Variants in CSMD3 observed in about 807,000 individuals in gnomAD.
CSMD3 encodes CUB and sushi domain-containing protein 3.
A neutral mutation model predicts 435.2 loss-of-function variants in CSMD3; 177 were observed. The ratio of observed to expected loss-of-function variants is 0.41; its 90% CI spans 0.36 to 0.46. CSMD3 has a LOEUF of 0.46. Ranked by LOEUF, CSMD3 falls within the 20% of genes least tolerant of loss-of-function variation. The pLI is 0.34. For missense variants in CSMD3, 4,265 were observed against 4,504.6 expected (o/e 0.95, Z 1.52); for synonymous variants, 1,656 against 1,520.5 (o/e 1.09, Z -2.07).
intron 13 of CSMD3, among the ~76,000 whole-genome samples, chr8:112,713,155 G>T (rs1024615958): frequency 1.2e-4 from 18 of 152,134 alleles, no homozygotes; most frequent in African/African-American, 4.1e-4. Flanking sequence ...GGGCAGGGGA[G>T]ATCCCACCCC....
intron 4 of CSMD3, among the ~76,000 whole-genome samples, chr8:113,102,744 A>G (rs1365906605): frequency 6.6e-6 from 1 of 152,140 alleles, no homozygotes; most frequent in Non-Finnish European, 1.5e-5. Flanking sequence ...CCTGTGTGCT[A>G]CAGTAAAAAG....
At chr8:112,547,439 A>G (rs779391958) in intron 27 of CSMD3, among the ~76,000 whole-genome samples, 1 of 151,970 alleles carries the variant, frequency 6.6e-6, no homozygotes, top group Admixed American at 6.6e-5. Context: ...TCCTAGCTAC[A>G]TGGGGGGCTG....
chr8:113,138,119 C>T (rs1248479600), intron 4 of CSMD3, among the ~76,000 whole-genome samples: 2 of 151,330 alleles, frequency 1.3e-5, no homozygotes, highest in Non-Finnish European at 3.0e-5. Context: ...TTTGATTCTA[C>T]CTAAAACCAC....
chr8:112,924,133 A>T (rs1292829508), intron 9 of CSMD3, among the ~76,000 whole-genome samples: 6 of 152,126 alleles, frequency 3.9e-5, no homozygotes, highest in Non-Finnish European at 8.8e-5. Context: ...ATTCTGAGAG[A>T]ATTGGGCAGT....
rs769136178 is a variant in CSMD3 at position 112,685,494 on chromosome 8, G to A, written c.2394C>T (p.Ser798=). The A allele has an allele frequency of 6.8e-6, 11 of 1,613,976 alleles. No individual in the cohort carries two copies. The Admixed American group carries it at 1.8e-4, about 27-fold the overall frequency. The change falls in exon 15 of 71, where the codon TCC becomes TCT. Residue 798 remains serine, a synonymous_variant. Coordinates refer to ENST00000297405, the MANE Select transcript of CSMD3 (RefSeq NM_198123.2). The part of the protein sequence containing the change: ...LGTFTGAEVP[S]HLTSNSHILR... ...GTATGTGACTATTACTAGTAAGATG[G>A]GAAGGCACCTCAGCCCCAGTAAAGG...
At chr8:113,249,147 G>A (rs542903422) in intron 3 of CSMD3, among the ~76,000 whole-genome samples, 11 of 152,038 alleles carry the variant, frequency 7.2e-5, no homozygotes, top group East Asian at 1.9e-4. Context: ...TTTGCCTGCC[G>A]CCATGTAAGA....
chr8:113,320,568 T>C (rs1389182845), intron 1 of CSMD3, among the ~76,000 whole-genome samples: 1 of 152,124 alleles, frequency 6.6e-6, no homozygotes, highest in Non-Finnish European at 1.5e-5. Context: ...TGTGACCAAT[T>C]ATGTTGACAT....
At chr8:112,842,161 A>G (rs897927808) in intron 11 of CSMD3, among the ~76,000 whole-genome samples, 4 of 151,686 alleles carry the variant, frequency 2.6e-5, no homozygotes, top group African/African-American at 4.8e-5. Flanking sequence ...GTAGGAGACA[A>G]TGTTCCAGAA....
intron 4 of CSMD3, among the ~76,000 whole-genome samples, chr8:113,166,751 C>T (rs374526433): frequency 1.3e-5 from 2 of 152,044 alleles, no homozygotes; most frequent in East Asian, 1.9e-4. Flanking sequence ...GATCCCAGAA[C>T]CTAGATACAT....
intron 8 of CSMD3, 60 bp from the exon 9 acceptor site, chr8:112,947,937 A>G: frequency 1.3e-6 from 1 of 743,248 alleles, no homozygotes. Context: ...AAAATCGATG[A>G]TATTAATTTT....
intron 1 of CSMD3, among the ~76,000 whole-genome samples, chr8:113,378,791 GAT>G (rs1444924768): frequency 1.3e-5 from 2 of 151,502 alleles, no homozygotes; most frequent in African/African-American, 2.4e-5. Context: ...GTGTGTGTGT[GAT>G]TAATACTGGC....
chr8:112,689,207 T>G (rs573601258), intron 14 of CSMD3, among the ~76,000 whole-genome samples: 2 of 152,192 alleles, frequency 1.3e-5, no homozygotes, highest in South Asian at 4.1e-4. Context: ...TAGGGAAATT[T>G]CTGCCAGATT....
chr8:112,272,672 T>A (rs781106058), intron 59 of CSMD3, among the ~76,000 whole-genome samples: 33 of 152,072 alleles, frequency 2.2e-4, no homozygotes, highest in Non-Finnish European at 2.8e-4. Flanking sequence ...CTAGGACAAT[T>A]CCCAAAATAA....
intron 1 of CSMD3, among the ~76,000 whole-genome samples, chr8:113,377,796 G>C (rs1282881271): frequency 6.6e-6 from 1 of 152,112 alleles, no homozygotes; most frequent in Non-Finnish European, 1.5e-5. Flanking sequence ...TATTATAGCA[G>C]ATTGTGTTGA....
chr8:112,745,913 T>C (rs2077414738), intron 13 of CSMD3, among the ~76,000 whole-genome samples: 2 of 152,174 alleles, frequency 1.3e-5, no homozygotes, highest in South Asian at 2.1e-4. Flanking sequence ...TAAAGAAACA[T>C]TTTGCTAATT....
chr8:113,246,193 T>C (rs1215942441), intron 3 of CSMD3, among the ~76,000 whole-genome samples: 3 of 152,000 alleles, frequency 2.0e-5, no homozygotes, highest in Admixed American at 1.3e-4. Context: ...TTCTTCATCA[T>C]AGAGTCCCGT....
chr8:112,310,593 G>T, intron 50 of CSMD3: 1 of 253,334 alleles, frequency 3.9e-6, no homozygotes, highest in Non-Finnish European at 7.8e-6. Flanking sequence ...GATGCTAAGA[G>T]TGAAACTCAG....
At chr8:112,345,962 T>C (rs1481544458) in intron 41 of CSMD3, 135 bp downstream of exon 41, 1 of 694,070 alleles carries the variant, frequency 1.4e-6, no homozygotes, top group African/African-American at 1.8e-5. Context: ...CTCTTCAATT[T>C]ACATAGTTGT....
At chr8:112,424,982 G>A (rs761839581) in intron 32 of CSMD3, among the ~76,000 whole-genome samples, 8 of 152,122 alleles carry the variant, frequency 5.3e-5, no homozygotes, top group Admixed American at 2.0e-4. Flanking sequence ...GAGCCACCGC[G>A]CTTGACCTAT....
Sources: gnomAD v4.1 joint callset for allele counts (sites outside exome capture counted in the v4.1 genomes callset) on GRCh38, gnomAD v4.1.1 for gene constraint, MANE v1.5 for transcripts, NCBI Gene and HGNC (gene_info 2026-07-23, HGNC 2026-07-21) for gene names.